Variants in AKAP13 observed in about 807,000 individuals in gnomAD.
AKAP13 encodes A-kinase anchoring protein 13, also known as A-kinase anchor protein 13.
Under a neutral mutation model 264.5 loss-of-function variants are expected in AKAP13, and 80 were observed. The observed-to-expected ratio is 0.30, with a 90% CI of 0.25 to 0.36. AKAP13 has a LOEUF of 0.36. AKAP13 is among the 10% of genes least tolerant of loss of function. AKAP13 has a pLI of 1.00. For synonymous variants in AKAP13, 1,380 were observed against 1,250.2 expected (o/e 1.10, Z -2.19); for missense variants, 3,712 against 3,435.2 (o/e 1.08, Z -2.01).
intron 8 of AKAP13, among the ~76,000 whole-genome samples, chr15:85,611,187 C>A (rs549416678): frequency 2.4e-4 from 37 of 152,264 alleles, no homozygotes; most frequent in African/African-American, 8.7e-4. Context: ...AATACTTTCT[C>A]CATTTAGTTT....
intron 3 of AKAP13, among the ~76,000 whole-genome samples, chr15:85,522,180 C>G (rs1039845614): frequency 7.9e-5 from 12 of 152,114 alleles, no homozygotes; most frequent in African/African-American, 2.9e-4. Flanking sequence ...GCTTCTTAAC[C>G]TAGGTATAAT....
Position 85,731,540 on chromosome 15 carries a change from C to T in AKAP13, c.7282+833C>T, listed in dbSNP as rs891954625. 4.6e-5 allele frequency among the ~76,000 whole-genome samples: 7 copies of T among 152,080 alleles called. No homozygotes were observed. In the East Asian group the frequency reaches 1.3e-3, roughly 29 times the overall value. On this transcript the variant is annotated intron_variant, in intron 30 of 36. Transcript: ENST00000394518. ...CTGTTGTCTGTTTCCTTCAGATTTG[C>T]AGCTGGATTCAGAGGCGTAATTAAT...
chr15:85,641,521 T>C (rs538200443), intron 9 of AKAP13, among the ~76,000 whole-genome samples: 7 of 150,250 alleles, frequency 4.7e-5, no homozygotes, highest in African/African-American at 1.5e-4. Flanking sequence ...AGTCTCGCTC[T>C]GTCGCCCAGG....
intron 17 of AKAP13, among the ~76,000 whole-genome samples, chr15:85,705,665 T>G (rs1473765123): frequency 6.6e-6 from 1 of 152,206 alleles, no homozygotes; most frequent in East Asian, 1.9e-4. Context: ...GTATTATACA[T>G]AGGTAATTTA....
Position 85,580,175 on chromosome 15 carries a change from C to T in AKAP13, c.2107C>T (p.Pro703Ser), listed in dbSNP as rs537413224. The change falls in exon 7 of 37, where the codon CCA becomes TCA. Residue 703 changes from proline (P) to serine (S), a missense_variant. Coordinates refer to ENST00000394518, the MANE Select transcript of AKAP13 (RefSeq NM_007200.5). The stretch of plus-strand genomic sequence containing the variant: ...AGCAAGGCAACCCAGCTCACAAGAT[C>T]CACCCGATGCCTCCCACTGTGAAGA... Reference protein sequence around the residue: ...TTARQPSSQDPPDASHCEDPQ... With the variant: ...TTARQPSSQDSPDASHCEDPQ... The T allele has an allele frequency of 5.6e-6, 9 of 1,614,072 alleles. No homozygotes were observed. The highest frequency in any genetic ancestry group is 7.6e-6 in the Non-Finnish European group (9 of 1,180,034).
In AKAP13 at chr15:85,441,016, C is replaced by T. The variant is rs960850886; in HGVS notation, c.-11-44694C>T. ...ACAAACTGATGTCATTGGTGTCATT[C>T]GAAGGTTTACACATTTCTGTTCACT... On this transcript the variant is annotated intron_variant, in intron 1 of 36. Coordinates refer to ENST00000394518, the MANE Select transcript of AKAP13 (RefSeq NM_007200.5). Among the ~76,000 whole-genome samples the T allele has an allele frequency of 3.3e-5, 5 of 152,144 alleles. No individual in the cohort carries two copies. In the South Asian group the frequency reaches 6.2e-4, roughly 19 times the overall value.
intron 14 of AKAP13, among the ~76,000 whole-genome samples, chr15:85,678,939 G>A (rs965905602): frequency 1.3e-5 from 2 of 151,478 alleles, no homozygotes; most frequent in Admixed American, 6.6e-5. Context: ...GGTCAGCATG[G>A]CAAATAAACC....
At chr15:85,441,186 A>G (rs543997618) in intron 1 of AKAP13, among the ~76,000 whole-genome samples, 2 of 152,086 alleles carry the variant, frequency 1.3e-5, no homozygotes, top group African/African-American at 2.4e-5. Flanking sequence ...CATTTTGCCA[A>G]TACTTGGTAT....
intron 1 of AKAP13, among the ~76,000 whole-genome samples, chr15:85,391,304 G>C (rs1055650468): frequency 2.0e-5 from 3 of 152,112 alleles, no homozygotes; most frequent in African/African-American, 7.2e-5. Flanking sequence ...TAGTCTGTAA[G>C]GATATTGGTG....
Position 85,477,636 on chromosome 15 carries a change from G to GAAAAAAAAAAAA in AKAP13, c.-11-8074_-11-8073insAAAAAAAAAAAA, listed in dbSNP as rs1567077572. Among the ~76,000 whole-genome samples the GAAAAAAAAAAAA allele has an allele frequency of 1.7e-4, 6 of 34,308 alleles. 2 individuals are homozygous for GAAAAAAAAAAAA. The highest frequency in any genetic ancestry group is 2.2e-4 in the Non-Finnish European group (3 of 13,926). 22.5% of individuals were successfully genotyped at this position (34,308 alleles called of 152,430 possible). A position where few individuals can be genotyped will look rare whatever the true frequency, so the allele number is the denominator to read the frequency against. On this transcript the variant is annotated intron_variant, in intron 1 of 36. Transcript: ENST00000394518. ...GAAATTTGAACTGAGCTTAAAAAAAGGAAAAAAAAAAAAAAAAAAAAAGGC... is the reference window on the plus strand; with the variant it reads ...GAAATTTGAACTGAGCTTAAAAAAAGAAAAAAAAAAAAGAAAAAAAAAAAAAAAAAAAAAGGC...
Position 85,464,771 on chromosome 15 carries a change from A to G in AKAP13, c.-11-20939A>G, listed in dbSNP as rs189884175. ...AACAAATTTGTATCAACATCTCTCTAACAATAAGGTTATGTCGGTTTAGAA... is the reference window on the plus strand; with the variant it reads ...AACAAATTTGTATCAACATCTCTCTGACAATAAGGTTATGTCGGTTTAGAA... On this transcript the variant is annotated intron_variant, in intron 1 of 36. Coordinates refer to ENST00000394518, the MANE Select transcript of AKAP13 (RefSeq NM_007200.5). Among the ~76,000 whole-genome samples, 80 of 152,288 alleles carry G rather than the reference A, an allele frequency of 5.3e-4. 1 individual carries two copies. The highest frequency in any genetic ancestry group is 1.1e-3 in the Non-Finnish European group (75 of 68,020).
chr15:85,710,784 T>G, intron 19 of AKAP13, 139 bp downstream of exon 19: 1 of 942,244 alleles, frequency 1.1e-6, no homozygotes, highest in East Asian at 2.7e-5. Flanking sequence ...AGGCTGCTGT[T>G]TTATCCTGCA....
At chr15:85,683,404 T>C (rs1467038724) in intron 15 of AKAP13, 2 of 152,170 alleles carry the variant, frequency 1.3e-5, no homozygotes, top group African/African-American at 4.8e-5. Flanking sequence ...CTAAGCAAAG[T>C]AGTATAAATG....
chr15:85,490,473 T>A (rs984273216), intron 2 of AKAP13, among the ~76,000 whole-genome samples: 2 of 152,222 alleles, frequency 1.3e-5, no homozygotes, highest in East Asian at 3.8e-4. Context: ...CTCTAAGAAA[T>A]TGATTCTTTT....
rs1291426255 is a variant in AKAP13 at position 85,483,596 on chromosome 15, G to A, written c.-11-2114G>A. On this transcript the variant is annotated intron_variant, in intron 1 of 36. Transcript: ENST00000394518. ...AGCCGAGATTGCGCCACTGCAGTCC[G>A]CAGTCCGGCCTGGGCGACAGAGCGA... Among the ~76,000 whole-genome samples, 39 of 140,088 alleles carry A rather than the reference G, an allele frequency of 2.8e-4. 2 individuals are homozygous for A. The highest frequency in any genetic ancestry group is 9.6e-4 in the African/African-American group (35 of 36,474). The allele number at this position is 140,088 out of a possible 152,430, so 91.9% of individuals were successfully genotyped here. A position where few individuals can be genotyped will look rare whatever the true frequency, so the allele number is the denominator to read the frequency against.
chr15:85,463,040 A>G (rs1308638803), intron 1 of AKAP13, among the ~76,000 whole-genome samples: 7 of 150,620 alleles, frequency 4.6e-5, no homozygotes, highest in Admixed American at 4.6e-4. Flanking sequence ...AAAAAAAAAA[A>G]AAAGAAATAA....
chr15:85,498,134 A>G (rs1193267692), intron 2 of AKAP13, among the ~76,000 whole-genome samples: 2 of 150,468 alleles, frequency 1.3e-5, no homozygotes, highest in Non-Finnish European at 2.9e-5. Flanking sequence ...GCTGCCTTGG[A>G]AGCCTGAGGG....
chr15:85,738,279 C>A (rs2151773480), intron 33 of AKAP13, among the ~76,000 whole-genome samples: 1 of 151,848 alleles, frequency 6.6e-6, no homozygotes, highest in Non-Finnish European at 1.5e-5. Flanking sequence ...GTAATCCCAG[C>A]TACTCAGGAG....
At chr15:85,619,619 C>G (rs2081085521) in intron 8 of AKAP13, 2 of 985,668 alleles carry the variant, frequency 2.0e-6, no homozygotes, top group African/African-American at 3.5e-5. Context: ...GCGTCGTCTT[C>G]CTTTCTTTCT....
Sources: allele counts gnomAD v4.1 joint callset (sites outside exome capture counted in the v4.1 genomes callset), GRCh38; gene constraint gnomAD v4.1.1; transcripts MANE v1.5; gene names NCBI Gene and HGNC (gene_info 2026-07-23, HGNC 2026-07-21).